The following KANSL1 variants were observed in gnomAD, a reference collection of about 807,000 sequenced individuals.
The protein encoded by KANSL1 is KAT8 regulatory NSL complex subunit 1, also known as MLL1/MLL complex subunit KANSL1.
A neutral mutation model predicts 103.6 loss-of-function variants in KANSL1; 22 were observed. That is an observed-to-expected ratio of 0.21 (90% CI 0.15 to 0.30). The LOEUF (loss-of-function observed/expected upper bound fraction) is 0.30. KANSL1 is among the 10% of genes least tolerant of loss of function. The pLI is 1.00. For synonymous variants in KANSL1, 600 were observed against 527.6 expected, an observed-to-expected ratio of 1.14 and a Z score of -1.88; for missense variants, 1,337 against 1,399.8, an observed-to-expected ratio of 0.96 and a Z score of 0.72.
rs2146283456 is a variant in KANSL1, at chr17:46,029,918, C to G, written c.*1558G>C. 1 of 152,016 alleles carries G rather than the reference C, an allele frequency of 6.6e-6. No homozygotes were observed. Among genetic ancestry groups the G allele is most frequent in the Admixed American group, 6.6e-5 (1 of 15,264 alleles). 9.4% of individuals were successfully genotyped at this position (152,016 alleles called of 1,614,324 possible). On this transcript the variant is annotated 3_prime_UTR_variant, in exon 15 of 15. Transcript: ENST00000432791. ...CAAGAAAGGCCTGGTACACAGCATT[C>G]TGTAACTTTTTTTTTTATTTTTTTC...
chr17:46,085,139 C>T (rs1273286065), intron 3 of KANSL1, among the ~76,000 whole-genome samples: 2 of 152,090 alleles, frequency 1.3e-5, no homozygotes, highest in Non-Finnish European at 1.5e-5. Context: ...ATCTCCTAGA[C>T]AAATGTTTCA....
intron 1 of KANSL1, among the ~76,000 whole-genome samples, chr17:46,213,169 G>T (rs1053556467): frequency 2.0e-5 from 3 of 152,170 alleles, no homozygotes; most frequent in Non-Finnish European, 2.9e-5. Context: ...CTGTCTTCTG[G>T]GCTGCTGCTA....
intron 2 of KANSL1, among the ~76,000 whole-genome samples, chr17:46,158,702 G>A (rs1301190603): frequency 1.3e-5 from 2 of 152,078 alleles, no homozygotes; most frequent in East Asian, 1.9e-4. Context: ...CACCACACCC[G>A]GTTCATTTTT....
At chr17:46,126,715 A>C (rs920108082) in intron 2 of KANSL1, among the ~76,000 whole-genome samples, 2 of 152,160 alleles carry the variant, frequency 1.3e-5, no homozygotes, top group Non-Finnish European at 2.9e-5. Flanking sequence ...ATATCTGGTT[A>C]CTCTTTATGT....
At chr17:46,039,995 G>T in intron 7 of KANSL1, 111 bp from the exon 8 acceptor site, 1 of 891,790 alleles carries the variant, frequency 1.1e-6, no homozygotes, top group Non-Finnish European at 1.8e-6. Context: ...CACTTGGCAG[G>T]GCAAGTGCTG....
chr17:46,079,483 C>G (rs1047934079), intron 4 of KANSL1, among the ~76,000 whole-genome samples: 1 of 152,182 alleles, frequency 6.6e-6, no homozygotes, highest in African/African-American at 2.4e-5. Context: ...AGAACGCTGA[C>G]AAGTTAAAGT....
At chr17:46,163,203 T>C (rs1046066363) in intron 2 of KANSL1, among the ~76,000 whole-genome samples, 7 of 152,248 alleles carry the variant, frequency 4.6e-5, no homozygotes, top group African/African-American at 1.7e-4. Context: ...GTATCTTTCT[T>C]AACCACTGGA....
rs906385881 is a variant in KANSL1, at chr17:46,193,235, C to G, written c.-502G>C. 1 of 152,928 alleles carries G rather than the reference C, an allele frequency of 6.5e-6. No individual in the cohort carries two copies. Among genetic ancestry groups the G allele is most frequent in the Non-Finnish European group, 1.5e-5 (1 of 68,938 alleles). The allele number at this position is 152,928 out of a possible 1,614,324, so 9.5% of individuals were successfully genotyped here. On this transcript the variant is annotated 5_prime_UTR_variant, in exon 1 of 15. Coordinates refer to ENST00000432791, the MANE Select transcript of KANSL1 (RefSeq NM_015443.4). The stretch of plus-strand genomic sequence containing the variant: ...CGAACCCGCACCCAGGCCGCCACCC[C>G]CGGCCGCCTCTTTCCAGCCGGGGAG...
At chr17:46,150,748 T>C (rs569154687) in intron 2 of KANSL1, among the ~76,000 whole-genome samples, 12 of 152,336 alleles carry the variant, frequency 7.9e-5, no homozygotes, top group South Asian at 2.1e-4. Context: ...AAGGACAAGA[T>C]TGACATCCTG....
upstream of KANSL1, among the ~76,000 whole-genome samples, chr17:46,198,476 A>G (rs2047690548): frequency 6.7e-6 from 1 of 149,820 alleles, no homozygotes; most frequent in Admixed American, 6.7e-5. Context: ...TCACACCTGT[A>G]ATTCTAGCAC....
chr17:46,038,993 G>C (rs771306168), intron 9 of KANSL1, 34 bp downstream of exon 9: 50 of 1,593,492 alleles, frequency 3.1e-5, no homozygotes, highest in Non-Finnish European at 4.1e-5. Context: ...AGCAGGTGCA[G>C]TTGCAGGTAG....
At chr17:46,039,539 G>A in intron 8 of KANSL1, 163 bp downstream of exon 8, 1 of 765,100 alleles carries the variant, frequency 1.3e-6, no homozygotes. Flanking sequence ...AAGTCCATCT[G>A]AGAGCATCCA....
chr17:46,109,356 T>A lies in KANSL1; in HGVS notation c.1290-14655A>T, dbSNP rs149679055. ...CATGGTAAAATACAAAATTCTCACA[T>A]CTCAATTTCTATGCTTTTGCAAACC... On this transcript the variant is annotated intron_variant, in intron 2 of 14. Coordinates refer to ENST00000432791, the MANE Select transcript of KANSL1 (RefSeq NM_015443.4). 8.5e-5 allele frequency among the ~76,000 whole-genome samples: 13 copies of A among 152,306 alleles called. No homozygotes were observed. In the East Asian group the frequency reaches 2.3e-3, roughly 27 times the overall value.
chr17:46,032,080 A>G lies in KANSL1; in HGVS notation c.3057T>C (p.Arg1019=), dbSNP rs1598441174. Residue 1019 remains arginine (R), a synonymous_variant, in exon 14 of 15, where the codon CGT becomes CGC. Coordinates refer to ENST00000432791, the MANE Select transcript of KANSL1 (RefSeq NM_015443.4). ...CCAGCCCCAGCTCTGGTGTGGAACAACGGGTATCCTCACTGGCTAAGTGTC... is the reference window on the plus strand; with the variant it reads ...CCAGCCCCAGCTCTGGTGTGGAACAGCGGGTATCCTCACTGGCTAAGTGTC... ...TPRHLASEDT[R]CSTPELGLDE... is the part of the protein sequence containing the mutation. 1.2e-6 allele frequency: 2 copies of G among 1,614,168 alleles called. No homozygotes were observed. Among genetic ancestry groups the G allele is most frequent in the Non-Finnish European group, 1.7e-6 (2 of 1,180,018 alleles).
Position 46,067,682 on chromosome 17 carries a change from G to A in KANSL1, c.1534-15C>T, listed in dbSNP as rs1304809980. On this transcript the variant is annotated splice_polypyrimidine_tract_variant and intron_variant, in intron 4 of 14. Transcript: ENST00000432791. ...ACAGACTCAATCTGATTAAGAAAAA[G>A]GAAAAAAGAAATTAACATGTACCCA... 7.2e-7 allele frequency: 1 copy of A among 1,397,080 alleles called. No homozygotes were observed. The highest frequency in any genetic ancestry group is 1.2e-5 in the South Asian group (1 of 85,806). The allele number at this position is 1,397,080 out of a possible 1,614,324, so 86.5% of individuals were successfully genotyped here. A position where few individuals can be genotyped will look rare whatever the true frequency, so the allele number is the denominator to read the frequency against.
At chr17:46,208,106 T>C (rs2048033410) in intron 1 of KANSL1, among the ~76,000 whole-genome samples, 1 of 148,252 alleles carries the variant, frequency 6.7e-6, no homozygotes. Context: ...CAAAAATCCG[T>C]CTCAAAAAAA....
intron 1 of KANSL1, among the ~76,000 whole-genome samples, chr17:46,182,764 A>G (rs1274832380): frequency 1.3e-5 from 2 of 152,266 alleles, no homozygotes; most frequent in African/African-American, 2.4e-5. Flanking sequence ...TAATTTGCCC[A>G]TGATCACACA....
intron 2 of KANSL1, among the ~76,000 whole-genome samples, chr17:46,100,593 A>T: frequency 6.6e-6 from 1 of 152,238 alleles, no homozygotes; most frequent in African/African-American, 2.4e-5. Flanking sequence ...ATTAATAGTC[A>T]ATGGGTTTAA....
chr17:46,202,811 C>T (rs961428177), intron 1 of KANSL1, among the ~76,000 whole-genome samples: 2 of 152,168 alleles, frequency 1.3e-5, no homozygotes, highest in African/African-American at 4.8e-5. Flanking sequence ...CACCATATTC[C>T]AAATTCTCAC....
Sources: gnomAD v4.1 joint callset for allele counts (sites outside exome capture counted in the v4.1 genomes callset) on GRCh38, gnomAD v4.1.1 for gene constraint, MANE v1.5 for transcripts, NCBI Gene and HGNC (gene_info 2026-07-23, HGNC 2026-07-21) for gene names.